The following RGSL1 variants were observed in gnomAD, a reference collection of about 807,000 sequenced individuals.
RGSL1 encodes regulator of G protein signaling like 1.
In RGSL1, 97 loss-of-function variants were observed where a neutral mutation model predicts 124.7. The observed-to-expected ratio is 0.78, with a 90% CI of 0.66 to 0.92. The LOEUF is 0.92. Ranked by LOEUF, RGSL1 falls within the 40% of genes least tolerant of loss-of-function variation. The pLI is 0.00. For synonymous variants in RGSL1, 424 were observed against 438.1 expected, an observed-to-expected ratio of 0.97 and a Z score of 0.40; for missense variants, 1,233 against 1,288.4, an observed-to-expected ratio of 0.96 and a Z score of 0.66.
At position 182,472,538 on chromosome 1, in the gene RGSL1, C is replaced by T; in HGVS notation, c.444C>T (p.Thr148=). Residue 148 remains threonine (T), a synonymous_variant, in exon 5 of 22, where the codon ACC becomes ACT. Coordinates refer to ENST00000294854, the MANE Select transcript of RGSL1 (RefSeq NM_001137669.2). ...TGCAGGAGGGCTCCAGGGTGGTAAC[C>T]CTCTGTAACATGAACATCAGTAAGA... ...THLQEGSRVV[T]LCNMNIKSLL... 6.5e-7 allele frequency: 1 copy of T among 1,537,306 alleles called. No homozygotes were observed. Among genetic ancestry groups the T allele is most frequent in the Non-Finnish European group, 8.8e-7 (1 of 1,137,734 alleles).
rs560560511 is a variant in RGSL1 at position 182,517,972 on chromosome 1, T to A, written c.1826-4032T>A. ...ACGTATGTGTCTTTGCATTAAAGAG[T>A]TATTTATTCCAGTCTTCTCTGTCTG... is the stretch of plus-strand genomic sequence containing the variant. On this transcript the variant is annotated intron_variant, in intron 9 of 21. Transcript: ENST00000294854. 1.4e-4 allele frequency among the ~76,000 whole-genome samples: 22 copies of A among 152,288 alleles called. No individual in the cohort carries two copies. In the South Asian group the frequency reaches 1.7e-3, roughly 11 times the overall value.
chr1:182,487,556 G>C (rs932427047), intron 6 of RGSL1, among the ~76,000 whole-genome samples: 3 of 152,192 alleles, frequency 2.0e-5, no homozygotes, highest in Admixed American at 6.5e-5. Flanking sequence ...AAGGTGCACA[G>C]TTAGATTAAA....
chr1:182,460,228 ATGTGTGTG>A, intron 4 of RGSL1, 95 bp downstream of exon 4: 1 of 1,353,740 alleles, frequency 7.4e-7, no homozygotes, highest in South Asian at 1.5e-5. Context: ...TTATGCCTGT[ATGTGTGTG>A]TGTGTGTGTG....
At chr1:182,493,688 C>G (rs896119484) in intron 9 of RGSL1, among the ~76,000 whole-genome samples, 2 of 152,144 alleles carry the variant, frequency 1.3e-5, no homozygotes, top group African/African-American at 4.8e-5. Flanking sequence ...TGTGAATGCC[C>G]CTGTGAAGGA....
chr1:182,556,070 C>A lies in RGSL1; in HGVS notation c.*13C>A, dbSNP rs1481059619. ...AAAAGAGAAGTAATCAAGCGAGACC[C>A]CCAGCAGAGATAAATCATCTCTTAG... On this transcript the variant is annotated 3_prime_UTR_variant, in exon 21 of 22. Coordinates refer to ENST00000294854, the MANE Select transcript of RGSL1 (RefSeq NM_001137669.2). The A allele has an allele frequency of 1.9e-6, 3 of 1,550,886 alleles. No individual in the cohort carries two copies. In the Admixed American group the frequency reaches 5.9e-5, roughly 30 times the overall value.
At chr1:182,452,471 G>C (rs930739620) in intron 1 of RGSL1, among the ~76,000 whole-genome samples, 10 of 120,596 alleles carry the variant, frequency 8.3e-5, no homozygotes, top group Non-Finnish European at 1.4e-4. Flanking sequence ...TTTTTTTTTT[G>C]AGACAGAGTC....
intron 6 of RGSL1, among the ~76,000 whole-genome samples, chr1:182,488,022 T>C (rs1370517998): frequency 6.6e-6 from 1 of 152,244 alleles, no homozygotes; most frequent in Non-Finnish European, 1.5e-5. Context: ...GTAATGGTTC[T>C]GTAAATTATT....
intron 15 of RGSL1, among the ~76,000 whole-genome samples, chr1:182,548,102 A>G (rs1660330491): frequency 6.6e-6 from 1 of 152,164 alleles, no homozygotes; most frequent in African/African-American, 2.4e-5. Flanking sequence ...TGTGGTGAAG[A>G]CATTCACTTG....
At chr1:182,494,398 C>G (rs1655756449) in intron 9 of RGSL1, among the ~76,000 whole-genome samples, 1 of 152,228 alleles carries the variant, frequency 6.6e-6, no homozygotes, top group African/African-American at 2.4e-5. Flanking sequence ...ACAGGAGCCA[C>G]TAGCCCCATG....
At position 182,527,701 on chromosome 1, in the gene RGSL1, C is replaced by A. The variant is rs1455316254; in HGVS notation, c.2054C>A (p.Thr685Asn). ...GCTGTACAGAAGATCAGTATAGAGA[C>A]CAATGAAAAGATTTGCAAGTCTCTC... ...LTAVQKISIE[T>N]NEKICKSLIE... Residue 685 changes from threonine to asparagine, a missense_variant, in exon 11 of 22, where the codon ACC (threonine) becomes AAC (asparagine). By Grantham distance (65) the Thr-to-Asn change is moderately conservative. Coordinates refer to ENST00000294854, the MANE Select transcript of RGSL1 (RefSeq NM_001137669.2). The A allele has an allele frequency of 1.9e-6, 3 of 1,551,232 alleles. No homozygotes were observed. Among genetic ancestry groups the A allele is most frequent in the African/African-American group, 1.4e-5 (1 of 73,094 alleles).
At chr1:182,465,642 A>G (rs1335611064) in intron 4 of RGSL1, among the ~76,000 whole-genome samples, 2 of 152,130 alleles carry the variant, frequency 1.3e-5, no homozygotes, top group Non-Finnish European at 2.9e-5. Flanking sequence ...TAGACCTATA[A>G]CTAGCAAAGA....
chr1:182,486,231 T>G (rs1434904154), intron 6 of RGSL1, among the ~76,000 whole-genome samples: 1 of 152,124 alleles, frequency 6.6e-6, no homozygotes, highest in Non-Finnish European at 1.5e-5. Flanking sequence ...AGTTATTTCT[T>G]TTAATTGAAA....
At chr1:182,548,085 G>A (rs1200104406) in intron 15 of RGSL1, among the ~76,000 whole-genome samples, 3 of 152,164 alleles carry the variant, frequency 2.0e-5, no homozygotes, top group African/African-American at 7.2e-5. Flanking sequence ...GGATAAACAA[G>A]GGGGTTTGTG....
At chr1:182,515,794 G>A (rs1302862468) in intron 9 of RGSL1, among the ~76,000 whole-genome samples, 1 of 152,162 alleles carries the variant, frequency 6.6e-6, no homozygotes, top group Non-Finnish European at 1.5e-5. Flanking sequence ...ACGTGCTGCA[G>A]ACTCGCCCAG....
At chr1:182,456,120 T>C (rs563583462) in intron 2 of RGSL1, among the ~76,000 whole-genome samples, 3 of 151,928 alleles carry the variant, frequency 2.0e-5, no homozygotes, top group African/African-American at 7.2e-5. Context: ...TTGGGCAAGG[T>C]GGTAACAGGA....
intron 13 of RGSL1, 140 bp from the exon 14 acceptor site, chr1:182,532,522 A>T: frequency 1.4e-6 from 1 of 722,604 alleles, no homozygotes; most frequent in Non-Finnish European, 2.1e-6. Flanking sequence ...CCTCACCTTT[A>T]AATTGGAGCT....
intron 10 of RGSL1, 102 bp downstream of exon 10, chr1:182,522,211 AG>A: frequency 1.3e-6 from 1 of 794,554 alleles, no homozygotes; most frequent in East Asian, 2.7e-5. Flanking sequence ...GTAGGTTTTC[AG>A]ACCCTTTTCC....
chr1:182,482,025 G>T (rs940520500), intron 6 of RGSL1, among the ~76,000 whole-genome samples: 2 of 152,098 alleles, frequency 1.3e-5, no homozygotes, highest in East Asian at 3.9e-4. Flanking sequence ...CCTATTAAAA[G>T]AATTATACAC....
intron 4 of RGSL1, among the ~76,000 whole-genome samples, chr1:182,469,602 C>T (rs1291681801): frequency 6.6e-6 from 1 of 152,072 alleles, no homozygotes; most frequent in Non-Finnish European, 1.5e-5. Flanking sequence ...ATGGAGGTTT[C>T]TCAAAAATTA....
Sources: gnomAD v4.1 joint callset for allele counts (sites outside exome capture counted in the v4.1 genomes callset) on GRCh38, gnomAD v4.1.1 for gene constraint, MANE v1.5 for transcripts, NCBI Gene and HGNC (gene_info 2026-07-23, HGNC 2026-07-21) for gene names.